The following VAC14 variants were observed in gnomAD, a reference collection of about 807,000 sequenced individuals.
The protein encoded by VAC14 is protein VAC14 homolog.
In VAC14, 47 loss-of-function variants were observed where a neutral mutation model predicts 85.3. The ratio of observed to expected loss-of-function variants is 0.55; its 90% confidence interval spans 0.44 to 0.70. VAC14 has a LOEUF of 0.70. Ranked by LOEUF, VAC14 falls within the 30% of genes least tolerant of loss-of-function variation. The pLI is 0.00. For missense variants in VAC14, 861 were observed against 1,004.3 expected (o/e 0.86, Z 1.93); for synonymous variants, 447 against 430.5 (o/e 1.04, Z -0.47).
chr16:70,736,887 C>T (rs2054771512), intron 13 of VAC14, among the ~76,000 whole-genome samples: 1 of 148,210 alleles, frequency 6.7e-6, no homozygotes, highest in South Asian at 2.2e-4. Context: ...AAAGGGGCCA[C>T]ACTTGAAGGG....
chr16:70,753,007 A>AGG (rs71872159), intron 12 of VAC14, among the ~76,000 whole-genome samples: 265 of 135,016 alleles, frequency 2.0e-3, no homozygotes, highest in Non-Finnish European at 3.1e-3. Flanking sequence ...GTGCAGGAGG[A>AGG]GGGGGTGTGT....
Position 70,783,519 on chromosome 16 carries a change from C to G in VAC14, c.630G>C (p.Leu210=), listed in dbSNP as rs1567603290. 3 of 1,614,026 alleles carry G rather than the reference C, an allele frequency of 1.9e-6. No homozygotes were observed. In the East Asian group the frequency reaches 6.7e-5, roughly 36 times the overall value. Residue 210 remains leucine, a synonymous_variant, in exon 6 of 19, where the codon CTG becomes CTC. Coordinates refer to ENST00000261776, the MANE Select transcript of VAC14 (RefSeq NM_018052.5). ...LVLESVPDIN[L]LDYLPEILDG... ...CCAGGATCTCCGGCAGGTAATCCAGCAGGTTAATGTCTGGCACCGACTCCA... is the reference window on the plus strand; with the variant it reads ...CCAGGATCTCCGGCAGGTAATCCAGGAGGTTAATGTCTGGCACCGACTCCA...
chr16:70,706,793 G>C (rs1207952125), intron 14 of VAC14, among the ~76,000 whole-genome samples: 3 of 152,192 alleles, frequency 2.0e-5, no homozygotes, highest in Non-Finnish European at 1.5e-5. Flanking sequence ...CGCCTGGATA[G>C]CCCTTGTTTC....
intron 14 of VAC14, among the ~76,000 whole-genome samples, chr16:70,704,153 TCAGGTGAAA>T (rs1275567024): frequency 6.6e-6 from 1 of 152,210 alleles, no homozygotes; most frequent in Non-Finnish European, 1.5e-5. Context: ...AGCCCCTGCT[TCAGGTGAAA>T]CCTGGGCCAG....
At chr16:70,767,535 G>A (rs577532081) in intron 10 of VAC14, among the ~76,000 whole-genome samples, 1 of 152,210 alleles carries the variant, frequency 6.6e-6, no homozygotes, top group African/African-American at 2.4e-5. Context: ...ATGACCCTTG[G>A]CAACAGCCTG....
rs759013867 is a variant in VAC14, at chr16:70,762,783, G to C, written c.1305+98C>G. 1.2e-5 allele frequency: 19 copies of C among 1,577,216 alleles called. No homozygotes were observed. Among genetic ancestry groups the C allele is most frequent in the Non-Finnish European group, 1.6e-5 (19 of 1,156,378 alleles). ...TTCTCTGCCGGCCAGGGTTTCCCTA[G>C]AAGGGCAATGACCAAAATGCTACCA... is the stretch of plus-strand genomic sequence containing the variant. On this transcript the variant is annotated intron_variant, in intron 11 of 18. Transcript: ENST00000261776. This position sits in a 1 kb window ranked among gnomAD's most constrained non-coding sequence, Gnocchi z 4.1.
At position 70,773,072 on chromosome 16, in the gene VAC14, AC is replaced by A. The variant is rs565355832; in HGVS notation, c.1097-901del. 3 of 152,176 alleles carry A rather than the reference AC, an allele frequency of 2.0e-5. No individual in the cohort carries two copies. In the South Asian group the frequency reaches 6.2e-4, roughly 32 times the overall value. The allele number at this position is 152,176 out of a possible 1,614,324, so 9.4% of individuals were successfully genotyped here. A position where few individuals can be genotyped will look rare whatever the true frequency, so the allele number is the denominator to read the frequency against. Reference sequence around the variant, plus strand: ...TGGAGGTTGCCTAGGACTGGAGGAGACGGGGGAATAGGGTATAATGGCTAAT... The same window carrying A: ...TGGAGGTTGCCTAGGACTGGAGGAGAGGGGGAATAGGGTATAATGGCTAAT... On this transcript the variant is annotated intron_variant, in intron 9 of 18. Transcript: ENST00000261776.
chr16:70,688,519 G>A, intron 18 of VAC14: 2 of 987,162 alleles, frequency 2.0e-6, no homozygotes, highest in Non-Finnish European at 2.4e-6. Context: ...GGCTAGGACT[G>A]GGGAAAATGG....
chr16:70,731,665 T>A (rs370676289), intron 13 of VAC14, 38 bp from the exon 14 acceptor site: 1 of 1,606,816 alleles, frequency 6.2e-7, no homozygotes, highest in Non-Finnish European at 8.5e-7. Flanking sequence ...TTATTCTGAT[T>A]ATGTGTCCAC....
At chr16:70,739,645 C>A (rs1380169320) in intron 13 of VAC14, among the ~76,000 whole-genome samples, 3 of 152,176 alleles carry the variant, frequency 2.0e-5, no homozygotes, top group Non-Finnish European at 2.9e-5. Flanking sequence ...GCTGTGAGGA[C>A]CCCAGGGGCT....
At chr16:70,694,106 G>C (rs1376512091) in intron 17 of VAC14, among the ~76,000 whole-genome samples, 24 of 152,228 alleles carry the variant, frequency 1.6e-4, no homozygotes. Flanking sequence ...GGCGACTCAG[G>C]GCTGGGACGG....
intron 1 of VAC14, among the ~76,000 whole-genome samples, chr16:70,791,322 T>C (rs1369438630): frequency 1.3e-5 from 2 of 152,240 alleles, no homozygotes. Flanking sequence ...CCCAGCAACA[T>C]GTTGTCGAAT....
In VAC14 at chr16:70,721,200, G is replaced by A. The variant is rs1474761795; in HGVS notation, c.1661+10295C>T. On this transcript the variant is annotated intron_variant, in intron 14 of 18. Transcript: ENST00000261776. ...AGTGGGCCAGAATAAGGGACAGGCC[G>A]GCATGGTGGGGCTGGGGCCTAGAAG... Among the ~76,000 whole-genome samples, 6 of 152,188 alleles carry A rather than the reference G, an allele frequency of 3.9e-5. No homozygotes were observed. The East Asian group carries it at 9.6e-4, about 24-fold the overall frequency.
intron 9 of VAC14, 131 bp from the exon 10 acceptor site, chr16:70,772,303 T>C (rs767714150): frequency 2.7e-6 from 2 of 753,540 alleles, no homozygotes; most frequent in Non-Finnish European, 4.4e-6. Flanking sequence ...AAAAGGACCA[T>C]GGCTCTGGAG....
At chr16:70,763,069 T>C (rs1453772300) in intron 10 of VAC14, 44 bp from the exon 11 acceptor site, 2 of 1,612,480 alleles carry the variant, frequency 1.2e-6, no homozygotes, top group Non-Finnish European at 1.7e-6. Context: ...AAGCCCACCA[T>C]AGCCCTCTCC....
intron 9 of VAC14, among the ~76,000 whole-genome samples, chr16:70,777,320 T>C (rs890549026): frequency 1.3e-5 from 2 of 152,232 alleles, no homozygotes; most frequent in Admixed American, 6.5e-5. Context: ...TGCAAAAATT[T>C]TGTCTGAAAC....
At chr16:70,761,756 C>A (rs907372927) in intron 12 of VAC14, among the ~76,000 whole-genome samples, 3 of 152,184 alleles carry the variant, frequency 2.0e-5, no homozygotes, top group African/African-American at 7.2e-5. Context: ...CTCTTGGTGG[C>A]CCCAAAAAGG....
chr16:70,711,561 A>C (rs1428852017), intron 14 of VAC14, among the ~76,000 whole-genome samples: 1 of 152,128 alleles, frequency 6.6e-6, no homozygotes, highest in Non-Finnish European at 1.5e-5. Context: ...TAAAGAGGTC[A>C]GCTCTTGGGC....
At chr16:70,795,204 T>C (rs1405272109) in intron 1 of VAC14, among the ~76,000 whole-genome samples, 1 of 152,128 alleles carries the variant, frequency 6.6e-6, no homozygotes. Context: ...CAGTGGCTCA[T>C]GCCTGTAATC....
Sources: gnomAD v4.1 joint callset for allele counts (sites outside exome capture counted in the v4.1 genomes callset) on GRCh38, gnomAD v4.1.1 for gene constraint, Gnocchi (gnomAD v3.1) non-coding constraint, MANE v1.5 for transcripts, NCBI Gene and HGNC (gene_info 2026-07-23, HGNC 2026-07-21) for gene names.